Variants in BPIFB3 observed in about 807,000 individuals in gnomAD.
BPIFB3 encodes BPI fold-containing family B member 3.
A neutral mutation model predicts 53.1 loss-of-function variants in BPIFB3; 49 were observed. That is an observed-to-expected ratio of 0.92 (90% CI 0.73 to 1.17). The LOEUF (loss-of-function observed/expected upper bound fraction) is 1.17. Among genes scored for constraint, BPIFB3 ranks in the 50% most tolerant of loss-of-function variants. The probability of loss-of-function intolerance (pLI) is 0.00; values close to 1 mark genes in which losing one functional copy is unlikely to be tolerated. For missense variants in BPIFB3, 628 were observed against 592.5 expected (o/e 1.06, Z -0.62); for synonymous variants, 271 against 269.6 (o/e 1.01, Z -0.05).
At chr20:33,057,548 A>T in intron 2 of BPIFB3, among the ~76,000 whole-genome samples, 1 of 152,222 alleles carries the variant, frequency 6.6e-6, no homozygotes. Context: ...GGCCCCTCAC[A>T]CAGGATTCCA....
rs1409507212 is a variant in BPIFB3 at position 33,064,848 on chromosome 20, G to A, written c.924+3G>A. On this transcript the variant is annotated splice_donor_region_variant and intron_variant, in intron 8 of 14. Coordinates refer to ENST00000375494, the Ensembl canonical transcript of BPIFB3. ...ACATGGACATCACCCCTGAGCTGGT[G>A]AGTGTGGTGCCCGGGGGATGGGGAT... 3 of 1,611,180 alleles carry A rather than the reference G, an allele frequency of 1.9e-6. No individual in the cohort carries two copies. Among genetic ancestry groups the A allele is most frequent in the Admixed American group, 3.3e-5 (2 of 59,980 alleles).
chr20:33,066,746 C>T lies in BPIFB3; in HGVS notation c.925-78C>T, dbSNP rs1045849442. On this transcript the variant is annotated intron_variant, in intron 8 of 14. Transcript: ENST00000375494. ...GCAGGGTAGGGGGAAGAGTGGTGAACGAAACTGCTCTGAGTGTGCTGAGGG... is the reference window on the plus strand; with the variant it reads ...GCAGGGTAGGGGGAAGAGTGGTGAATGAAACTGCTCTGAGTGTGCTGAGGG... 34 of 1,437,946 alleles carry T rather than the reference C, an allele frequency of 2.4e-5. No homozygotes were observed. The African/African-American group carries it at 3.4e-4, about 14-fold the overall frequency. 89.1% of individuals were successfully genotyped at this position (1,437,946 alleles called of 1,614,324 possible).
chr20:33,066,149 G>A (rs1223905830), intron 8 of BPIFB3, among the ~76,000 whole-genome samples: 1 of 152,120 alleles, frequency 6.6e-6, no homozygotes, highest in Non-Finnish European at 1.5e-5. Flanking sequence ...GGTGGGCGGG[G>A]GGTGTCTCAA....
chr20:33,066,131 T>C (rs1449780699), intron 8 of BPIFB3, among the ~76,000 whole-genome samples: 23 of 152,140 alleles, frequency 1.5e-4, no homozygotes, highest in Admixed American at 1.5e-3. Context: ...AGTGGGCATA[T>C]GTAGTTCGGT....
intron 10 of BPIFB3, 109 bp from the exon 12 acceptor site, chr20:33,069,779 A>T: frequency 9.2e-7 from 1 of 1,087,648 alleles, no homozygotes; most frequent in Non-Finnish European, 1.4e-6. Flanking sequence ...CCTGACACAC[A>T]GTAGGGCCTC....
chr20:33,072,226 C>T (rs1315179904), intron 13 of BPIFB3, 59 bp downstream of exon 14: 1 of 1,543,908 alleles, frequency 6.5e-7, no homozygotes, highest in Non-Finnish European at 9.0e-7. Flanking sequence ...ATTGTCTAGT[C>T]TGTTGCCTCT....
Position 33,064,860 on chromosome 20 carries a change from C to CG in BPIFB3, c.924+20dup. On this transcript the variant is annotated intron_variant, in intron 8 of 14. Coordinates refer to ENST00000375494, the Ensembl canonical transcript of BPIFB3. ...CCCCTGAGCTGGTGAGTGTGGTGCC[C>CG]GGGGGATGGGGATGGGGGCTCCTTG... The CG allele has an allele frequency of 6.2e-7, 1 of 1,607,540 alleles. No homozygotes were observed. The highest frequency in any genetic ancestry group is 8.5e-7 in the Non-Finnish European group (1 of 1,178,368).
chr20:33,056,568 C>A (rs1980213943), exon 2 of BPIFB3: 1 of 1,613,970 alleles, frequency 6.2e-7, no homozygotes, highest in Non-Finnish European at 8.5e-7. Flanking sequence ...GGTTGGGGAG[C>A]CCATTCTGCA....
rs187997226 is a variant in BPIFB3, at chr20:33,056,518, T to C, written c.125-24T>C. On this transcript the variant is annotated intron_variant, in intron 1 of 14. Coordinates refer to ENST00000375494, the Ensembl canonical transcript of BPIFB3. ...GGGTGAGGTTGGAGTTTCTAGTACC[T>C]TCCTACTTCCACTCTCTCTGCAGCC... 1.9e-5 allele frequency: 30 copies of C among 1,613,240 alleles called. No individual in the cohort carries two copies. The East Asian group carries it at 6.5e-4, about 35-fold the overall frequency.
chr20:33,063,635 T>A (rs1195392833), exon 6 of BPIFB3: 2 of 1,614,050 alleles, frequency 1.2e-6, no homozygotes, highest in Admixed American at 1.7e-5. Context: ...TGGTGGACAG[T>A]GTGCTGGGTG....
At chr20:33,068,249 G>A (rs1466322732) in intron 9 of BPIFB3, among the ~76,000 whole-genome samples, 1 of 152,256 alleles carries the variant, frequency 6.6e-6, no homozygotes, top group Non-Finnish European at 1.5e-5. Context: ...GAAGGTGGAA[G>A]AGCATGGAGT....
At chr20:33,062,962 C>G (rs990911296) in intron 5 of BPIFB3, among the ~76,000 whole-genome samples, 2 of 152,216 alleles carry the variant, frequency 1.3e-5, no homozygotes, top group African/African-American at 2.4e-5. Context: ...TTGGACAGGC[C>G]ACCTTCTTCT....
intron 5 of BPIFB3, among the ~76,000 whole-genome samples, chr20:33,062,685 A>T (rs185846791): frequency 4.6e-5 from 7 of 152,324 alleles, no homozygotes; most frequent in Middle Eastern, 3.4e-3. Context: ...AACATTCAGC[A>T]TTGAAGATTT....
chr20:33,073,601 CCT>C lies in BPIFB3; in HGVS notation c.1428_1429del (p.Ter477ArgfsTer?). 1 of 1,614,018 alleles carries C rather than the reference CCT, an allele frequency of 6.2e-7. No individual in the cohort carries two copies. Among genetic ancestry groups the C allele is most frequent in the Non-Finnish European group, 8.5e-7 (1 of 1,179,974 alleles). On this transcript the variant is annotated frameshift_variant and stop_lost, in exon 15 of 15. Transcript: ENST00000375494. LOFTEE classifies it high-confidence loss of function. ...AATGCTGTTGTGCTGACCGTGGCATCCTGAGGCTGAGACATGGCCACCAGCCT... is the reference window on the plus strand; with the variant it reads ...AATGCTGTTGTGCTGACCGTGGCATCGAGGCTGAGACATGGCCACCAGCCT...
intron 8 of BPIFB3, among the ~76,000 whole-genome samples, chr20:33,066,211 T>C (rs979811139): frequency 6.6e-6 from 1 of 152,172 alleles, no homozygotes; most frequent in Non-Finnish European, 1.5e-5. Flanking sequence ...GATGGGACTA[T>C]AGTGAACTGG....
chr20:33,066,911 A>G (rs1159073919), intron 9 of BPIFB3, 34 bp downstream of exon 10: 2 of 1,604,188 alleles, frequency 1.2e-6, no homozygotes, highest in Admixed American at 1.7e-5. Context: ...TGATCATTGT[A>G]GCTCTTTCCT....
At chr20:33,055,656 C>G in intron 1 of BPIFB3, 109 bp downstream of exon 2, 1 of 1,504,308 alleles carries the variant, frequency 6.6e-7, no homozygotes, top group Non-Finnish European at 9.0e-7. Flanking sequence ...TTGTGATTCT[C>G]AGCTGCTTAG....
chr20:33,069,498 C>T (rs1381732322), intron 10 of BPIFB3, among the ~76,000 whole-genome samples: 1 of 152,170 alleles, frequency 6.6e-6, no homozygotes, highest in Non-Finnish European at 1.5e-5. Flanking sequence ...GGTCCTCCCT[C>T]CCTGGCTTGT....
At chr20:33,061,284 C>T (rs2070945499) in intron 4 of BPIFB3, among the ~76,000 whole-genome samples, 1 of 152,100 alleles carries the variant, frequency 6.6e-6, no homozygotes, top group Admixed American at 6.5e-5. Flanking sequence ...CATCCTGCAC[C>T]CCATGGTCTC....
Sources: gnomAD v4.1 joint callset for allele counts (sites outside exome capture counted in the v4.1 genomes callset) on GRCh38, gnomAD v4.1.1 for gene constraint, MANE v1.5 for transcripts, NCBI Gene and HGNC (gene_info 2026-07-23, HGNC 2026-07-21) for gene names.